The following CUX2 variants were observed in gnomAD, a reference collection of about 807,000 sequenced individuals.
The protein encoded by CUX2 is homeobox protein cut-like 2.
A neutral mutation model predicts 144.8 loss-of-function variants in CUX2; 40 were observed. That is an observed-to-expected ratio of 0.28 (90% CI 0.21 to 0.36). The LOEUF is 0.36. Among genes scored for constraint, CUX2 ranks in the 10% least tolerant of loss-of-function variants. The pLI, the probability that CUX2 is intolerant of heterozygous loss-of-function variation, is 1.00. For missense variants in CUX2, 1,615 were observed against 1,994.0 expected, an observed-to-expected ratio of 0.81 and a Z score of 3.62; for synonymous variants, 827 against 875.6, an observed-to-expected ratio of 0.94 and a Z score of 0.98.
rs1362152604 is a variant in CUX2 at position 111,190,972 on chromosome 12, G to A, written c.64-23228G>A. ...GCCGACCTGCTCGCAGATCCAGCACGCCAGGAGGGTCCTGCTGTCCAGCTT... is the reference window on the plus strand; with the variant it reads ...GCCGACCTGCTCGCAGATCCAGCACACCAGGAGGGTCCTGCTGTCCAGCTT... On this transcript the variant is annotated intron_variant, in intron 1 of 21. Transcript: ENST00000261726. This position sits in a 1 kb window ranked among gnomAD's most constrained non-coding sequence, Gnocchi z 4.0. Among the ~76,000 whole-genome samples, 2 of 152,162 alleles carry A rather than the reference G, an allele frequency of 1.3e-5. No homozygotes were observed. Among genetic ancestry groups the A allele is most frequent in the Non-Finnish European group, 2.9e-5 (2 of 68,038 alleles).
At chr12:111,146,309 C>A (rs1199188934) in intron 1 of CUX2, among the ~76,000 whole-genome samples, 2 of 152,206 alleles carry the variant, frequency 1.3e-5, no homozygotes, top group Admixed American at 1.3e-4. Context: ...GAAGAGTTTT[C>A]CTGCCCTAAA....
Position 111,068,451 on chromosome 12 carries a change from C to T in CUX2, c.63+34211C>T, listed in dbSNP as rs116093463. ...GCGAGTGCTGCGGTGAAGTGTCAGG[C>T]GTCACCCGGGGTGACTGTGGAGACG... On this transcript the variant is annotated intron_variant, in intron 1 of 21. Transcript: ENST00000261726. This position sits in a 1 kb window ranked among gnomAD's most constrained non-coding sequence, Gnocchi z 4.9. Among the ~76,000 whole-genome samples the T allele has an allele frequency of 5.0e-3, 757 of 152,340 alleles. 3 individuals are homozygous for T. Among genetic ancestry groups the T allele is most frequent in the African/African-American group, 0.017 (713 of 41,564 alleles).
Position 111,161,216 on chromosome 12 carries a change from C to A in CUX2, c.64-52984C>A, listed in dbSNP as rs977742187. Among the ~76,000 whole-genome samples, 5 of 152,272 alleles carry A rather than the reference C, an allele frequency of 3.3e-5. No homozygotes were observed. In the East Asian group the frequency reaches 9.7e-4, roughly 29 times the overall value. ...TCCCCATCAGCTGTCTCAGCACAGC[C>A]CCTGGGCTCTGATGGGCAACACCCA... On this transcript the variant is annotated intron_variant, in intron 1 of 21. Coordinates refer to ENST00000261726, the MANE Select transcript of CUX2 (RefSeq NM_015267.4).
chr12:111,098,500 C>T (rs1338382984), intron 1 of CUX2, among the ~76,000 whole-genome samples: 1 of 152,156 alleles, frequency 6.6e-6, no homozygotes, highest in African/African-American at 2.4e-5. Flanking sequence ...CAACGAGGGA[C>T]CTTTCAAAGT....
intron 1 of CUX2, among the ~76,000 whole-genome samples, chr12:111,139,197 C>T (rs1270064459): frequency 2.6e-5 from 4 of 152,022 alleles, no homozygotes; most frequent in Admixed American, 2.0e-4. Flanking sequence ...GACCAAGGGA[C>T]ATGATGGATT....
At chr12:111,262,914 C>T (rs1478517691) in intron 3 of CUX2, among the ~76,000 whole-genome samples, 2 of 152,186 alleles carry the variant, frequency 1.3e-5, no homozygotes, top group African/African-American at 4.8e-5. Flanking sequence ...AGAAGAATAA[C>T]AGGTGTCACC....
chr12:111,220,926 A>G (rs1305260256), intron 3 of CUX2, among the ~76,000 whole-genome samples: 1 of 139,174 alleles, frequency 7.2e-6, no homozygotes, highest in East Asian at 2.2e-4. Flanking sequence ...ACAGAGCGAG[A>G]CCTGGTCTCT....
chr12:111,193,390 T>C (rs955133994), intron 1 of CUX2, among the ~76,000 whole-genome samples: 5 of 152,208 alleles, frequency 3.3e-5, no homozygotes, highest in African/African-American at 1.2e-4. Context: ...AACACGCTGG[T>C]AATGGGCATA....
At chr12:111,319,345 A>C in intron 16 of CUX2, among the ~76,000 whole-genome samples, 1 of 150,622 alleles carries the variant, frequency 6.6e-6, no homozygotes, top group South Asian at 2.1e-4. Context: ...TTTTTAAAGA[A>C]TTTTTTTTTT....
rs1254187945 is a variant in CUX2 at position 111,034,784 on chromosome 12, C to G, written c.63+544C>G. ...GCCGGGGTTGGCGAGGAGGCGGCTCCGCGCCCCGCCGCTCGCCGGCACCTC... is the reference window on the plus strand; with the variant it reads ...GCCGGGGTTGGCGAGGAGGCGGCTCGGCGCCCCGCCGCTCGCCGGCACCTC... On this transcript the variant is annotated intron_variant, in intron 1 of 21. Coordinates refer to ENST00000261726, the MANE Select transcript of CUX2 (RefSeq NM_015267.4). This position sits in a 1 kb window ranked among gnomAD's most constrained non-coding sequence, Gnocchi z 4.2. 6.7e-6 allele frequency among the ~76,000 whole-genome samples: 1 copy of G among 149,232 alleles called. No individual in the cohort carries two copies. Among genetic ancestry groups the G allele is most frequent in the Non-Finnish European group, 1.5e-5 (1 of 66,388 alleles).
At chr12:111,288,311 T>A (rs1885497258) in intron 4 of CUX2, among the ~76,000 whole-genome samples, 1 of 152,040 alleles carries the variant, frequency 6.6e-6, no homozygotes, top group South Asian at 2.1e-4. Context: ...AAGTGTCTGG[T>A]GCCATGTGGA....
At position 111,077,798 on chromosome 12, in the gene CUX2, A is replaced by G. The variant is rs985581044; in HGVS notation, c.63+43558A>G. Among the ~76,000 whole-genome samples the G allele has an allele frequency of 6.6e-6, 1 of 152,186 alleles. No individual in the cohort carries two copies. Among genetic ancestry groups the G allele is most frequent in the Non-Finnish European group, 1.5e-5 (1 of 68,046 alleles). On this transcript the variant is annotated intron_variant, in intron 1 of 21. Coordinates refer to ENST00000261726, the MANE Select transcript of CUX2 (RefSeq NM_015267.4). The surrounding 1 kb of genome is among the most constrained non-coding windows in gnomAD (Gnocchi z 4.1). ...ATTATCTCCCACCTCAAATGGCAGC[A>G]TTTGATTCATCTTCTGATTAGTTGG...
chr12:111,145,302 C>T (rs959461881), intron 1 of CUX2, among the ~76,000 whole-genome samples: 1 of 152,196 alleles, frequency 6.6e-6, no homozygotes, highest in African/African-American at 2.4e-5. Context: ...GAGGTTCACT[C>T]CTATGAGGAA....
At chr12:111,126,079 T>C (rs1317462235) in intron 1 of CUX2, among the ~76,000 whole-genome samples, 2 of 150,390 alleles carry the variant, frequency 1.3e-5, no homozygotes, top group African/African-American at 4.9e-5. Context: ...AATTGGCTCA[T>C]GTGTTCATGG....
At chr12:111,040,915 G>T (rs1239085568) in intron 1 of CUX2, among the ~76,000 whole-genome samples, 1 of 152,174 alleles carries the variant, frequency 6.6e-6, no homozygotes, top group Non-Finnish European at 1.5e-5. Context: ...TAGTTTGCCT[G>T]CCCTGGGTCT....
chr12:111,111,256 T>C (rs563462203), intron 1 of CUX2, among the ~76,000 whole-genome samples: 51 of 152,096 alleles, frequency 3.4e-4, no homozygotes, highest in African/African-American at 1.2e-3. Context: ...GAGCCGAGAT[T>C]GCATCACTGC....
intron 1 of CUX2, among the ~76,000 whole-genome samples, chr12:111,091,533 C>T (rs1872551829): frequency 6.6e-6 from 1 of 152,216 alleles, no homozygotes; most frequent in Non-Finnish European, 1.5e-5. Context: ...TTTCACCCCA[C>T]CCAGCCTGGA....
At chr12:111,265,309 T>TTTTTATTTTATTTTATTTTA (rs199678456) in intron 4 of CUX2, among the ~76,000 whole-genome samples, 4 of 143,640 alleles carry the variant, frequency 2.8e-5, no homozygotes, top group African/African-American at 8.1e-5. Flanking sequence ...TTTTATTTTA[T>TTTTTATTTTATTTTATTTTA]TTTTATTTTA....
rs898793832 is a variant in CUX2, at chr12:111,109,507, C to T, written c.63+75267C>T. 3.3e-5 allele frequency among the ~76,000 whole-genome samples: 5 copies of T among 152,222 alleles called. No homozygotes were observed. In the South Asian group the frequency reaches 6.2e-4, roughly 19 times the overall value. ...CTCTGACCCCTCTGGACTGCCCCAG[C>T]GACCTTGGATGCCCTTCTTGCTTTC... On this transcript the variant is annotated intron_variant, in intron 1 of 21. Transcript: ENST00000261726.
Sources: gnomAD v4.1 joint callset for allele counts (sites outside exome capture counted in the v4.1 genomes callset) on GRCh38, gnomAD v4.1.1 for gene constraint, Gnocchi (gnomAD v3.1) non-coding constraint, MANE v1.5 for transcripts, NCBI Gene and HGNC (gene_info 2026-07-23, HGNC 2026-07-21) for gene names.